The following FSTL1 variants were observed in gnomAD, a reference collection of about 807,000 sequenced individuals.
The protein encoded by FSTL1 is follistatin-related protein 1.
FSTL1 carries 24 observed loss-of-function variants against 45.9 expected under a neutral mutation model. The observed-to-expected ratio is 0.52, with a 90% CI of 0.38 to 0.74. The LOEUF (loss-of-function observed/expected upper bound fraction) is 0.74. Among genes scored for constraint, FSTL1 ranks in the 30% least tolerant of loss-of-function variants. The pLI is 0.00. For synonymous variants in FSTL1, 120 were observed against 137.6 expected (o/e 0.87, Z 0.89); for missense variants, 340 against 381.8 (o/e 0.89, Z 0.91).
intron 2 of FSTL1, among the ~76,000 whole-genome samples, chr3:120,418,864 A>T (rs1576217714): frequency 1.3e-5 from 2 of 152,134 alleles, no homozygotes; most frequent in Non-Finnish European, 2.9e-5. Context: ...ACAGTGGGCA[A>T]TTTATTTTCA....
Position 120,425,487 on chromosome 3 carries a change from C to T in FSTL1, c.64-9460G>A, listed in dbSNP as rs1228143932. 2.0e-5 allele frequency among the ~76,000 whole-genome samples: 3 copies of T among 152,144 alleles called. No homozygotes were observed. The East Asian group carries it at 5.8e-4, about 29-fold the overall frequency. ...TAATGCAGGAGGACTGAAATGGGCC[C>T]TGGATATATCTCTGCCTCTAACATA... On this transcript the variant is annotated intron_variant, in intron 2 of 10. Coordinates refer to ENST00000295633, the MANE Select transcript of FSTL1 (RefSeq NM_007085.5).
chr3:120,443,453 TA>T, intron 2 of FSTL1, among the ~76,000 whole-genome samples: 1 of 150,038 alleles, frequency 6.7e-6, no homozygotes, highest in Non-Finnish European at 1.5e-5. Context: ...TGTAGATCCA[TA>T]AATTACACTT....
chr3:120,413,889 C>G (rs1024620349), intron 3 of FSTL1, among the ~76,000 whole-genome samples: 1 of 147,220 alleles, frequency 6.8e-6, no homozygotes, highest in Non-Finnish European at 1.5e-5. Context: ...TGCAACCTCC[C>G]TGCCTGATTC....
intron 3 of FSTL1, 98 bp from the exon 4 acceptor site, chr3:120,412,081 T>G: frequency 9.1e-7 from 1 of 1,094,600 alleles, no homozygotes; most frequent in Non-Finnish European, 1.3e-6. Flanking sequence ...AGAGCCATTT[T>G]GTAAGGGGAC....
At chr3:120,446,857 G>A (rs1937754489) in intron 2 of FSTL1, among the ~76,000 whole-genome samples, 1 of 152,178 alleles carries the variant, frequency 6.6e-6, no homozygotes, top group African/African-American at 2.4e-5. Flanking sequence ...TCTATTTGTA[G>A]AATTGCTATT....
Position 120,412,828 on chromosome 3 carries a change from G to A in FSTL1, c.169-845C>T, listed in dbSNP as rs1302025494. 6.8e-3 allele frequency among the ~76,000 whole-genome samples: 458 copies of A among 67,470 alleles called. 1 individual carries two copies. Among genetic ancestry groups the A allele is most frequent in the South Asian group, 0.014 (26 of 1,838 alleles). The allele number at this position is 67,470 out of a possible 152,430, so 44.3% of individuals were successfully genotyped here. On this transcript the variant is annotated intron_variant, in intron 3 of 10. Transcript: ENST00000295633. ...CAAACACACACACATGTGCGCGCGC[G>A]CGCGCGCGCGCACACACACACACAC...
intron 2 of FSTL1, among the ~76,000 whole-genome samples, chr3:120,417,759 AT>A (rs1484820100): frequency 1.3e-5 from 2 of 152,240 alleles, no homozygotes; most frequent in African/African-American, 4.8e-5. Flanking sequence ...ATAAAAAAGC[AT>A]GCTCAGACAC....
chr3:120,402,917 C>T lies in FSTL1; in HGVS notation c.696G>A (p.Lys232=), dbSNP rs770056118. ...CATACGTTTCATCCTCCAGGGCACA[C>T]TCTGTTGGGCCAGAAATACGGGGCA... The part of the protein sequence containing the change: ...LNPSFNPPEK[K]CALEDETYAD... The change falls in exon 9 of 11, where the codon AAG becomes AAA. Residue 232 remains lysine (K), a splice_region_variant and synonymous_variant. Transcript: ENST00000295633. 4.2e-5 allele frequency: 67 copies of T among 1,591,330 alleles called. No homozygotes were observed. The highest frequency in any genetic ancestry group is 5.7e-5 in the Non-Finnish European group (66 of 1,159,426).
chr3:120,418,569 T>C (rs959862196), intron 2 of FSTL1, among the ~76,000 whole-genome samples: 3 of 152,226 alleles, frequency 2.0e-5, no homozygotes, highest in African/African-American at 7.2e-5. Flanking sequence ...ATTTGATTTA[T>C]TTTCATATCC....
At chr3:120,450,586 C>T in intron 2 of FSTL1, 98 bp downstream of exon 2, 1 of 743,886 alleles carries the variant, frequency 1.3e-6, no homozygotes, top group Middle Eastern at 3.1e-4. Flanking sequence ...CCCAGCGCCA[C>T]CCCGGGAGAG....
At chr3:120,412,342 T>C (rs1383134238) in intron 3 of FSTL1, among the ~76,000 whole-genome samples, 1 of 152,238 alleles carries the variant, frequency 6.6e-6, no homozygotes, top group Non-Finnish European at 1.5e-5. Flanking sequence ...GATTAGGTCA[T>C]GAGGACTCCT....
intron 10 of FSTL1, among the ~76,000 whole-genome samples, chr3:120,397,380 A>T (rs563660614): frequency 1.1e-4 from 17 of 152,342 alleles, no homozygotes; most frequent in African/African-American, 4.1e-4. Context: ...CTGAGCTTCA[A>T]CCATGGCTGT....
At chr3:120,426,395 TG>T (rs1937380629) in intron 2 of FSTL1, among the ~76,000 whole-genome samples, 1 of 152,126 alleles carries the variant, frequency 6.6e-6, no homozygotes. Flanking sequence ...TTGCATTCTT[TG>T]GAGTTCCAAG....
intron 2 of FSTL1, among the ~76,000 whole-genome samples, chr3:120,449,905 C>T (rs1029361125): frequency 7.2e-5 from 11 of 152,016 alleles, no homozygotes; most frequent in African/African-American, 2.4e-4. Flanking sequence ...GACTGGAGCC[C>T]GGGGAATTTA....
At chr3:120,414,248 TG>T (rs1472707545) in intron 3 of FSTL1, among the ~76,000 whole-genome samples, 2 of 151,932 alleles carry the variant, frequency 1.3e-5, no homozygotes, top group African/African-American at 4.8e-5. Context: ...GCCTATCGTC[TG>T]GGATGTGAGG....
intron 2 of FSTL1, among the ~76,000 whole-genome samples, chr3:120,422,466 T>A (rs923226698): frequency 4.6e-5 from 7 of 152,206 alleles, no homozygotes; most frequent in Admixed American, 2.0e-4. Context: ...CTTAAATATA[T>A]GCAATTTTTA....
At position 120,436,517 on chromosome 3, in the gene FSTL1, G is replaced by A. The variant is rs371737363; in HGVS notation, c.63+14167C>T. ...AGAAAATTACCCTTCTGTGGAACAG[G>A]AGGCAGACACCAATTAATGCATAAA... On this transcript the variant is annotated intron_variant, in intron 2 of 10. Coordinates refer to ENST00000295633, the MANE Select transcript of FSTL1 (RefSeq NM_007085.5). Among the ~76,000 whole-genome samples, 4 of 152,332 alleles carry A rather than the reference G, an allele frequency of 2.6e-5. No homozygotes were observed. The East Asian group carries it at 5.8e-4, about 22-fold the overall frequency.
rs1185995372 is a variant in FSTL1, at chr3:120,403,932, A to AC, written c.582-579_582-578insG. Among the ~76,000 whole-genome samples the AC allele has an allele frequency of 8.5e-4, 111 of 131,160 alleles. 1 individual carries two copies. The highest frequency in any genetic ancestry group is 2.8e-3 in the African/African-American group (100 of 35,206). 86.0% of individuals were successfully genotyped at this position (131,160 alleles called of 152,430 possible). A position where few individuals can be genotyped will look rare whatever the true frequency, so the allele number is the denominator to read the frequency against. On this transcript the variant is annotated intron_variant, in intron 7 of 10. Transcript: ENST00000295633. ...CGAGACTCCGTCTCAAAAAAAAAAA[A>AC]AAAAAAAAAAAACAAAAACAAAACA...
At chr3:120,424,526 G>A (rs1401591596) in intron 2 of FSTL1, among the ~76,000 whole-genome samples, 1 of 152,138 alleles carries the variant, frequency 6.6e-6, no homozygotes, top group Non-Finnish European at 1.5e-5. Context: ...TTGAGCAGGA[G>A]AGTGTTAAGA....
Sources: allele counts gnomAD v4.1 joint callset (sites outside exome capture counted in the v4.1 genomes callset), GRCh38; gene constraint gnomAD v4.1.1; transcripts MANE v1.5; gene names NCBI Gene and HGNC (gene_info 2026-07-23, HGNC 2026-07-21).